Variants in RYR2 observed in about 807,000 individuals in gnomAD.
The protein encoded by RYR2 is ryanodine receptor 2, also known as cardiac muscle ryanodine receptor-calcium release channel.
A neutral mutation model predicts 601.1 loss-of-function variants in RYR2; 227 were observed. That is an observed-to-expected ratio of 0.38 (90% confidence interval 0.34 to 0.42). RYR2 has a LOEUF of 0.42. RYR2 is among the 10% of genes least tolerant of loss of function. The pLI is 1.00. For synonymous variants in RYR2, 2,223 were observed against 2,175.1 expected, an observed-to-expected ratio of 1.02 and a Z score of -0.61; for missense variants, 4,646 against 6,156.5, an observed-to-expected ratio of 0.75 and a Z score of 8.21.
rs1558274627 is a variant in RYR2, at chr1:237,714,990, T to TTAAAAAAAA, written c.10324-2208_10324-2207insTAAAAAAAA. Reference sequence around the variant, plus strand: ...CCTGGTGACAGAGCGAGACTCCATCTCAAAAAAAAAAAAAAAAAAAAAAAA... The same window carrying TTAAAAAAAA: ...CCTGGTGACAGAGCGAGACTCCATCTTAAAAAAAACAAAAAAAAAAAAAAAAAAAAAAAA... On this transcript the variant is annotated intron_variant, in intron 71 of 104. Transcript: ENST00000366574. Among the ~76,000 whole-genome samples the TTAAAAAAAA allele has an allele frequency of 3.4e-5, 3 of 89,382 alleles. 1 individual carries two copies. The highest frequency in any genetic ancestry group is 3.7e-5 in the Non-Finnish European group (2 of 53,536). The allele number at this position is 89,382 out of a possible 152,430, so 58.6% of individuals were successfully genotyped here. A position where few individuals can be genotyped will look rare whatever the true frequency, so the allele number is the denominator to read the frequency against.
At chr1:237,559,684 C>G (rs1335188934) in intron 27 of RYR2, among the ~76,000 whole-genome samples, 1 of 152,134 alleles carries the variant, frequency 6.6e-6, no homozygotes, top group Non-Finnish European at 1.5e-5. Flanking sequence ...TGCTTTTTAC[C>G]CCTTTATGTA....
chr1:237,748,338 C>T (rs554866394), intron 80 of RYR2, among the ~76,000 whole-genome samples: 2 of 152,264 alleles, frequency 1.3e-5, no homozygotes, highest in South Asian at 4.1e-4. Context: ...TATGCAGGTT[C>T]CTTACATCTC....
intron 1 of RYR2, among the ~76,000 whole-genome samples, chr1:237,262,606 T>C (rs1036951713): frequency 6.6e-6 from 1 of 152,154 alleles, no homozygotes; most frequent in African/African-American, 2.4e-5. Context: ...ATTCAACATA[T>C]ATTGACTGAA....
chr1:237,632,079 C>T (rs1230408540), intron 42 of RYR2, among the ~76,000 whole-genome samples: 1 of 151,652 alleles, frequency 6.6e-6, no homozygotes, highest in African/African-American at 2.4e-5. Context: ...AATTTCCTGT[C>T]TTATACTGTG....
At chr1:237,770,158 A>G (rs1027759890) in intron 84 of RYR2, among the ~76,000 whole-genome samples, 6 of 152,130 alleles carry the variant, frequency 3.9e-5, no homozygotes, top group African/African-American at 1.2e-4. Context: ...TCATATTTAG[A>G]ATTAAGGTTG....
At chr1:237,568,718 A>C (rs1276634977) in intron 28 of RYR2, among the ~76,000 whole-genome samples, 1 of 152,208 alleles carries the variant, frequency 6.6e-6, no homozygotes, top group Non-Finnish European at 1.5e-5. Context: ...TTTCAATGAC[A>C]GATGCCCAGC....
At chr1:237,115,740 T>C (rs12132380) in intron 1 of RYR2, among the ~76,000 whole-genome samples, 69,183 of 151,958 alleles carry the variant, frequency 0.46, 16,732 homozygotes, top group Admixed American at 0.6. Context: ...CTTAGTTCTT[T>C]TGTAGGTGTG....
At chr1:237,175,314 C>T (rs909949334) in intron 1 of RYR2, among the ~76,000 whole-genome samples, 3 of 152,014 alleles carry the variant, frequency 2.0e-5, no homozygotes, top group Admixed American at 2.0e-4. Context: ...CTTTATTTTC[C>T]TTATGAGGCA....
At chr1:237,044,614 T>A (rs1373994254) in intron 1 of RYR2, among the ~76,000 whole-genome samples, 2 of 149,432 alleles carry the variant, frequency 1.3e-5, no homozygotes, top group Non-Finnish European at 3.0e-5. Context: ...CAAATGACCT[T>A]GAAGGAGGTG....
At chr1:237,669,843 G>C (rs939992162) in intron 58 of RYR2, among the ~76,000 whole-genome samples, 1 of 150,938 alleles carries the variant, frequency 6.6e-6, no homozygotes, top group Non-Finnish European at 1.5e-5. Flanking sequence ...CATCCCAGAT[G>C]ATGGGCGGCC....
At chr1:237,373,998 A>T (rs1174913460) in intron 6 of RYR2, among the ~76,000 whole-genome samples, 2 of 152,258 alleles carry the variant, frequency 1.3e-5, no homozygotes, top group Non-Finnish European at 2.9e-5. Context: ...ATCCCCAGTT[A>T]CTTGTCTTCC....
chr1:237,047,549 C>T (rs1039546000), intron 1 of RYR2, among the ~76,000 whole-genome samples: 4 of 152,246 alleles, frequency 2.6e-5, no homozygotes, highest in Admixed American at 2.0e-4. Context: ...TTGTACCCCT[C>T]TCCATGTAAT....
chr1:237,677,778 A>G (rs1685530742), intron 60 of RYR2, among the ~76,000 whole-genome samples: 1 of 152,130 alleles, frequency 6.6e-6, no homozygotes. Flanking sequence ...CTCTATGTCA[A>G]TAAGATCTCA....
intron 25 of RYR2, among the ~76,000 whole-genome samples, chr1:237,538,996 AGC>A (rs938403748): frequency 8.5e-5 from 13 of 152,274 alleles, no homozygotes; most frequent in African/African-American, 2.9e-4. Flanking sequence ...GGCATAACCT[AGC>A]GGATGACTTT....
At chr1:237,057,573 G>A (rs1408507230) in intron 1 of RYR2, among the ~76,000 whole-genome samples, 1 of 152,174 alleles carries the variant, frequency 6.6e-6, no homozygotes, top group East Asian at 1.9e-4. Context: ...AGAAGCAACA[G>A]AGCAGCAGTA....
chr1:237,296,519 T>C (rs185770303), intron 2 of RYR2, among the ~76,000 whole-genome samples: 1 of 152,146 alleles, frequency 6.6e-6, no homozygotes, highest in Non-Finnish European at 1.5e-5. Context: ...ATTGTTGAGA[T>C]GAGGAAGGCA....
chr1:237,792,349 C>CTGTT (rs1553327223), intron 94 of RYR2, 26 bp downstream of exon 94: 2 of 705,882 alleles, frequency 2.8e-6, no homozygotes, highest in Non-Finnish European at 4.5e-6. Flanking sequence ...ACCAAGGTAC[C>CTGTT]TGTGTGTGTG....
chr1:237,348,623 C>T (rs979713190), intron 3 of RYR2, among the ~76,000 whole-genome samples: 1 of 152,142 alleles, frequency 6.6e-6, no homozygotes, highest in Non-Finnish European at 1.5e-5. Context: ...GCCGTAGGTA[C>T]ATCTTTTCTG....
At chr1:237,647,310 T>C (rs553576967) in intron 48 of RYR2, among the ~76,000 whole-genome samples, 48 of 152,304 alleles carry the variant, frequency 3.2e-4, no homozygotes, top group South Asian at 2.9e-3. Flanking sequence ...AGAGTCATGA[T>C]AGCAGCCTCA....
Sources: allele counts gnomAD v4.1 joint callset (sites outside exome capture counted in the v4.1 genomes callset), GRCh38; gene constraint gnomAD v4.1.1; transcripts MANE v1.5; gene names NCBI Gene and HGNC (gene_info 2026-07-23, HGNC 2026-07-21).